MACROD2: variants seen among roughly 807,000 people sequenced by gnomAD.
MACROD2 encodes the protein ADP-ribose glycohydrolase MACROD2.
Under a neutral mutation model 70.4 loss-of-function variants are expected in MACROD2, and 36 were observed. That is an observed-to-expected ratio of 0.51 (90% CI 0.39 to 0.68). The LOEUF is 0.68. Ranked by LOEUF, MACROD2 falls within the 30% of genes least tolerant of loss-of-function variation. The pLI is 0.00. For missense variants in MACROD2, 496 were observed against 538.4 expected (o/e 0.92, Z 0.78); for synonymous variants, 172 against 178.8 (o/e 0.96, Z 0.30).
intron 5 of MACROD2, among the ~76,000 whole-genome samples, chr20:14,841,519 G>A (rs1324547638): frequency 9.3e-6 from 1 of 107,048 alleles, no homozygotes; most frequent in Admixed American, 9.1e-5. Context: ...TCAAGTAGAT[G>A]TTTTCAGGAA....
At chr20:15,904,186 G>T (rs996486948) in intron 10 of MACROD2, among the ~76,000 whole-genome samples, 2 of 152,040 alleles carry the variant, frequency 1.3e-5, no homozygotes, top group Non-Finnish European at 2.9e-5. Context: ...TTTAATTTGT[G>T]TTTGTTTGTT....
intron 5 of MACROD2, among the ~76,000 whole-genome samples, chr20:15,065,631 G>A (rs1223886033): frequency 6.7e-6 from 1 of 149,350 alleles, no homozygotes; most frequent in African/African-American, 2.5e-5. Context: ...TCTAGCCTGG[G>A]CGACAGAGCG....
At chr20:14,653,216 ATTTT>A (rs542367949) in intron 4 of MACROD2, among the ~76,000 whole-genome samples, 2 of 121,762 alleles carry the variant, frequency 1.6e-5, no homozygotes, top group African/African-American at 6.3e-5. Flanking sequence ...ATGTACAGCA[ATTTT>A]TTTTTTTTTT....
intron 5 of MACROD2, among the ~76,000 whole-genome samples, chr20:14,811,821 G>GA (rs1555833528): frequency 6.6e-6 from 1 of 152,066 alleles, no homozygotes; most frequent in South Asian, 2.1e-4. Flanking sequence ...ACGAGCATAT[G>GA]AAAAAAAGCT....
intron 8 of MACROD2, among the ~76,000 whole-genome samples, chr20:15,716,522 C>T (rs2050709911): frequency 6.6e-6 from 1 of 152,196 alleles, no homozygotes; most frequent in Admixed American, 6.5e-5. Flanking sequence ...TAGCAGGGAG[C>T]ACTGCCTTTT....
chr20:15,116,226 A>T (rs1005241563), intron 5 of MACROD2, among the ~76,000 whole-genome samples: 5 of 152,144 alleles, frequency 3.3e-5, no homozygotes, highest in Non-Finnish European at 7.4e-5. Context: ...TTATATGTGG[A>T]CTTTCTCCTG....
At chr20:14,121,771 C>T (rs926437917) in intron 3 of MACROD2, among the ~76,000 whole-genome samples, 5 of 151,994 alleles carry the variant, frequency 3.3e-5, no homozygotes, top group Non-Finnish European at 7.4e-5. Flanking sequence ...CTATTGATCT[C>T]CTTTTTACGT....
intron 4 of MACROD2, among the ~76,000 whole-genome samples, chr20:14,584,678 C>A (rs1177502919): frequency 6.6e-6 from 1 of 152,132 alleles, no homozygotes; most frequent in Admixed American, 6.6e-5. Flanking sequence ...CACATTCAGT[C>A]CACAGCATTG....
At chr20:15,040,412 A>G (rs1297484381) in intron 5 of MACROD2, among the ~76,000 whole-genome samples, 1 of 151,706 alleles carries the variant, frequency 6.6e-6, no homozygotes, top group Non-Finnish European at 1.5e-5. Context: ...TAGCTTAATT[A>G]TGGTGACAAT....
chr20:14,766,233 C>T (rs2072087574), intron 5 of MACROD2, among the ~76,000 whole-genome samples: 1 of 152,024 alleles, frequency 6.6e-6, no homozygotes, highest in Non-Finnish European at 1.5e-5. Flanking sequence ...ACACTGTTAG[C>T]CAATGAGTAT....
chr20:14,160,896 A>T (rs941941640), intron 3 of MACROD2, among the ~76,000 whole-genome samples: 2 of 152,024 alleles, frequency 1.3e-5, no homozygotes, highest in African/African-American at 2.4e-5. Context: ...ATGTGGATAT[A>T]TTGCATAACG....
intron 5 of MACROD2, among the ~76,000 whole-genome samples, chr20:14,820,274 C>A (rs1055447846): frequency 3.3e-5 from 5 of 151,706 alleles, no homozygotes; most frequent in Admixed American, 2.0e-4. Flanking sequence ...GGAACCTCAT[C>A]CTTTCATTCT....
In MACROD2 at chr20:14,433,206, T is replaced by G. The variant is rs6135145; in HGVS notation, c.272-60273T>G. 3.8e-4 allele frequency among the ~76,000 whole-genome samples: 58 copies of G among 152,092 alleles called. No individual in the cohort carries two copies. In the East Asian group the frequency reaches 0.011, roughly 28 times the overall value. On this transcript the variant is annotated intron_variant, in intron 3 of 17. Transcript: ENST00000684519. Reference sequence around the variant, plus strand: ...TATGGTCTTAAGGAAGGAGATGAAATAAGCATAATAAATAGTAGTAAAAGC... The same window carrying G: ...TATGGTCTTAAGGAAGGAGATGAAAGAAGCATAATAAATAGTAGTAAAAGC...
chr20:14,775,651 T>A (rs1042737948), intron 5 of MACROD2, among the ~76,000 whole-genome samples: 3 of 151,840 alleles, frequency 2.0e-5, no homozygotes, highest in Non-Finnish European at 4.4e-5. Flanking sequence ...AACATGCGAT[T>A]TGGAGGGGAC....
At chr20:15,847,609 C>T (rs1209015184) in intron 8 of MACROD2, among the ~76,000 whole-genome samples, 1 of 152,056 alleles carries the variant, frequency 6.6e-6, no homozygotes, top group African/African-American at 2.4e-5. Context: ...AGAAAATAAA[C>T]TTTTAAGGGA....
chr20:14,379,767 A>G (rs763537405), intron 3 of MACROD2, among the ~76,000 whole-genome samples: 29 of 152,182 alleles, frequency 1.9e-4, no homozygotes, highest in Admixed American at 3.3e-4. Flanking sequence ...AAGTTTATCA[A>G]TGTTGTACCA....
At chr20:15,842,141 G>A (rs6131731) in intron 8 of MACROD2, among the ~76,000 whole-genome samples, 7,749 of 152,056 alleles carry the variant, frequency 0.051, 339 homozygotes, top group East Asian at 0.2. Flanking sequence ...GTGACACAAG[G>A]CAACATTTAA....
At chr20:15,749,503 A>T (rs913749178) in intron 8 of MACROD2, among the ~76,000 whole-genome samples, 1 of 152,096 alleles carries the variant, frequency 6.6e-6, no homozygotes, top group Non-Finnish European at 1.5e-5. Context: ...AAAAAGAATA[A>T]ATTTTACAGG....
intron 8 of MACROD2, among the ~76,000 whole-genome samples, chr20:15,655,696 T>C (rs961091259): frequency 8.5e-5 from 13 of 152,206 alleles, no homozygotes; most frequent in African/African-American, 2.9e-4. Context: ...TATTATTTAA[T>C]CTGTCAAGGA....
Sources: allele counts gnomAD v4.1 joint callset (sites outside exome capture counted in the v4.1 genomes callset), GRCh38; gene constraint gnomAD v4.1.1; transcripts MANE v1.5; gene names NCBI Gene and HGNC (gene_info 2026-07-23, HGNC 2026-07-21).